Variants in SNX18 observed in about 807,000 individuals in gnomAD.
SNX18 encodes sorting nexin 18.
SNX18 carries 35 observed loss-of-function variants against 48.7 expected under a neutral mutation model. That is an observed-to-expected ratio of 0.72 (90% CI 0.55 to 0.95). The LOEUF (loss-of-function observed/expected upper bound fraction) is 0.95, where lower values mean the gene tolerates loss of function less well. Ranked by LOEUF, SNX18 falls within the 40% of genes least tolerant of loss-of-function variation. SNX18 has a pLI of 0.00. For missense variants in SNX18, 824 were observed against 871.0 expected (o/e 0.95, Z 0.68); for synonymous variants, 492 against 384.7 (o/e 1.28, Z -3.26).
At chr5:54,569,406 G>A in the SNX18 span, among the ~76,000 whole-genome samples, 1 of 152,134 alleles carries the variant, frequency 6.6e-6, no homozygotes, top group Non-Finnish European at 1.5e-5. Flanking sequence ...AACCTAAAAT[G>A]TAGAGCTATC....
chr5:54,578,422 G>A, the SNX18 span, among the ~76,000 whole-genome samples: 2 of 152,202 alleles, frequency 1.3e-5, no homozygotes, highest in Admixed American at 1.3e-4. Context: ...GCCCCTCACA[G>A]CCCTTCAGCA....
the SNX18 span, among the ~76,000 whole-genome samples, chr5:54,581,413 A>G: frequency 6.6e-6 from 1 of 152,012 alleles, no homozygotes; most frequent in Non-Finnish European, 1.5e-5. Context: ...TAGATTCCAG[A>G]ACTACACAAG....
chr5:54,518,909 G>T lies in SNX18; in HGVS notation c.957G>T (p.Leu319=). 1 of 1,613,978 alleles carries T rather than the reference G, an allele frequency of 6.2e-7. No homozygotes were observed. The highest frequency in any genetic ancestry group is 8.5e-7 in the Non-Finnish European group (1 of 1,180,028). Residue 319 remains leucine (L), a synonymous_variant, in exon 1 of 2, where the codon CTG becomes CTT. Coordinates refer to ENST00000381410, the MANE Select transcript of SNX18 (RefSeq NM_001102575.2). ...GGCGCTACAAGCACTTCGACTGGCTGTACGCGCGCCTGGCGGAGAAGTTCC... is the reference window on the plus strand; with the variant it reads ...GGCGCTACAAGCACTTCGACTGGCTTTACGCGCGCCTGGCGGAGAAGTTCC... ...VHRRYKHFDW[L]YARLAEKFPV...
intron 1 of SNX18, among the ~76,000 whole-genome samples, chr5:54,521,237 C>G (rs564115155): frequency 6.6e-6 from 1 of 152,190 alleles, no homozygotes; most frequent in African/African-American, 2.4e-5. Flanking sequence ...GACATGTGTG[C>G]TGGGCCGCTG....
At chr5:54,558,313 TCTC>T in the SNX18 span, among the ~76,000 whole-genome samples, 22 of 152,226 alleles carry the variant, frequency 1.4e-4, no homozygotes, top group African/African-American at 5.3e-4. Context: ...TTTACTGGCT[TCTC>T]CAGATAAAGT....
In SNX18 at chr5:54,526,115, G is replaced by T. The variant is rs149049044; in HGVS notation, c.1621+6542G>T. Among the ~76,000 whole-genome samples the T allele has an allele frequency of 9.7e-4, 147 of 152,190 alleles. 1 individual carries two copies. Among genetic ancestry groups the T allele is most frequent in the South Asian group, 4.6e-3 (22 of 4,814 alleles). On this transcript the variant is annotated intron_variant, in intron 1 of 1. Coordinates refer to ENST00000381410, the MANE Select transcript of SNX18 (RefSeq NM_001102575.2). ...ACTACCAAAGAGATAAATTATGACAGTTTTTTAAAGATGGAGTCTTGCTCT... is the reference window on the plus strand; with the variant it reads ...ACTACCAAAGAGATAAATTATGACATTTTTTTAAAGATGGAGTCTTGCTCT...
At chr5:54,625,945 A>G in the SNX18 span, among the ~76,000 whole-genome samples, 1 of 152,206 alleles carries the variant, frequency 6.6e-6, no homozygotes, top group East Asian at 1.9e-4. Context: ...TAAGAGCAAC[A>G]TAGAGGAAAA....
Position 54,519,279 on chromosome 5 carries a change from C to G in SNX18, c.1327C>G (p.Leu443Val). The change falls in exon 1 of 2, where the codon CTG (leucine) becomes GTG (valine). Residue 443 changes from leucine (L) to valine (V), a missense_variant. Transcript: ENST00000381410. ...CACCAAGAAGATGGACGACAGCGCG[C>G]TGCAGCTCAACCACACGGCCAACGA... is the stretch of plus-strand genomic sequence containing the variant. Reference protein sequence around the residue: ...CFTKKMDDSALQLNHTANEFA... With the variant: ...CFTKKMDDSAVQLNHTANEFA... 1.2e-6 allele frequency: 2 copies of G among 1,614,154 alleles called. No homozygotes were observed. Among genetic ancestry groups the G allele is most frequent in the Non-Finnish European group, 1.7e-6 (2 of 1,180,032 alleles).
downstream of SNX18, among the ~76,000 whole-genome samples, chr5:54,548,845 C>T (rs1332622611): frequency 6.6e-6 from 1 of 152,138 alleles, no homozygotes; most frequent in African/African-American, 2.4e-5. Context: ...TTCCAGGACA[C>T]CCTCAATCCC....
the SNX18 span, among the ~76,000 whole-genome samples, chr5:54,560,752 T>C: frequency 3.2e-3 from 489 of 152,274 alleles, 3 homozygotes; most frequent in African/African-American, 0.011. Flanking sequence ...ACTGGACTTA[T>C]ATTCCTATTT....
downstream of SNX18, among the ~76,000 whole-genome samples, chr5:54,548,947 A>G (rs1263503734): frequency 6.6e-6 from 1 of 152,210 alleles, no homozygotes; most frequent in Non-Finnish European, 1.5e-5. Flanking sequence ...TCTCCTGTAT[A>G]CTTCAGATCA....
At chr5:54,585,987 G>C in the SNX18 span, among the ~76,000 whole-genome samples, 3 of 150,006 alleles carry the variant, frequency 2.0e-5, no homozygotes, top group Non-Finnish European at 4.4e-5. Flanking sequence ...CCTGGGCGAC[G>C]GAGCGAGACT....
the SNX18 span, among the ~76,000 whole-genome samples, chr5:54,626,603 T>C: frequency 2.0e-5 from 3 of 152,228 alleles, no homozygotes; most frequent in Admixed American, 6.5e-5. Flanking sequence ...AATTAGTGTT[T>C]CTCAACCAGG....
chr5:54,586,766 T>G, the SNX18 span, among the ~76,000 whole-genome samples: 33 of 152,074 alleles, frequency 2.2e-4, no homozygotes, highest in African/African-American at 7.7e-4. Flanking sequence ...AGACCATACA[T>G]AGTAGGATCA....
the SNX18 span, among the ~76,000 whole-genome samples, chr5:54,553,721 T>TA: frequency 6.6e-6 from 1 of 152,180 alleles, no homozygotes; most frequent in Non-Finnish European, 1.5e-5. Context: ...CACACATCTG[T>TA]ATGTCAGCAG....
Position 54,545,931 on chromosome 5 carries a change from G to T in SNX18, c.*2499G>T, listed in dbSNP as rs1347105231. 1 of 152,056 alleles carries T rather than the reference G, an allele frequency of 6.6e-6. No homozygotes were observed. Among genetic ancestry groups the T allele is most frequent in the African/African-American group, 2.4e-5 (1 of 41,384 alleles). The allele number at this position is 152,056 out of a possible 1,614,324, so 9.4% of individuals were successfully genotyped here. On this transcript the variant is annotated 3_prime_UTR_variant, in exon 2 of 2. Transcript: ENST00000381410. ...ATATGTGATGTGTTTGTAACACAGG[G>T]TGTGCACTTGAGCCTGGTTTTACTG...
downstream of SNX18, among the ~76,000 whole-genome samples, chr5:54,549,085 G>A (rs1463043382): frequency 1.3e-5 from 2 of 151,948 alleles, no homozygotes; most frequent in African/African-American, 4.8e-5. Context: ...ATTTTCAATC[G>A]TCCATTGGTT....
At chr5:54,527,760 C>T (rs563587516) in intron 1 of SNX18, among the ~76,000 whole-genome samples, 2 of 152,294 alleles carry the variant, frequency 1.3e-5, no homozygotes, top group South Asian at 2.1e-4. Context: ...CTGTTAACTA[C>T]TGTTTTATAC....
chr5:54,639,620 T>C, the SNX18 span, among the ~76,000 whole-genome samples: 1 of 152,122 alleles, frequency 6.6e-6, no homozygotes. Context: ...ACGAGAATCT[T>C]GAGGACCAGA....
Sources: gnomAD v4.1 joint callset for allele counts (sites outside exome capture counted in the v4.1 genomes callset) on GRCh38, gnomAD v4.1.1 for gene constraint, MANE v1.5 for transcripts, NCBI Gene and HGNC (gene_info 2026-07-23, HGNC 2026-07-21) for gene names.